TMEM123: variants seen among roughly 807,000 people sequenced by gnomAD.
TMEM123 encodes transmembrane protein 123, also known as porimin.
A neutral mutation model predicts 19.7 loss-of-function variants in TMEM123; 16 were observed. That is an observed-to-expected ratio of 0.81 (90% CI 0.55 to 1.23). TMEM123 has a LOEUF of 1.23. Ranked by LOEUF, TMEM123 falls within the 50% of genes most tolerant of loss-of-function variation. TMEM123 has a pLI of 0.00. For missense variants in TMEM123, 313 were observed against 257.8 expected (o/e 1.21, Z -1.47); for synonymous variants, 118 against 99.4 (o/e 1.19, Z -1.12).
At chr11:102,424,199 G>T (rs1313159452) in intron 2 of TMEM123, among the ~76,000 whole-genome samples, 3 of 152,200 alleles carry the variant, frequency 2.0e-5, no homozygotes, top group Non-Finnish European at 4.4e-5. Context: ...AGCCACTCAA[G>T]TGTAGGAACA....
At chr11:102,417,392 C>T (rs2135850666) in intron 2 of TMEM123, among the ~76,000 whole-genome samples, 1 of 152,220 alleles carries the variant, frequency 6.6e-6, no homozygotes. Flanking sequence ...CAATCCCATT[C>T]ACAGCAGCAC....
rs372060888 is a variant in TMEM123, at chr11:102,403,394, C to T, written c.158-1188G>A. The stretch of plus-strand genomic sequence containing the variant: ...TTTTGCATAAAATATGGCCTATAAC[C>T]AGAAGCAAACCTTTCTGTGTTAATT... On this transcript the variant is annotated intron_variant, in intron 2 of 4. Transcript: ENST00000398136. Among the ~76,000 whole-genome samples the T allele has an allele frequency of 1.5e-4, 23 of 152,206 alleles. 3 individuals carry two copies. The highest frequency in any genetic ancestry group is 1.4e-3 in the Admixed American group (21 of 15,284).
At chr11:102,419,746 A>C (rs1043955086) in intron 2 of TMEM123, among the ~76,000 whole-genome samples, 1 of 152,218 alleles carries the variant, frequency 6.6e-6, no homozygotes, top group African/African-American at 2.4e-5. Flanking sequence ...TTAGGAACAC[A>C]AATTATTAGT....
At chr11:102,434,722 A>G (rs552747481) in intron 2 of TMEM123, among the ~76,000 whole-genome samples, 4 of 151,886 alleles carry the variant, frequency 2.6e-5, no homozygotes, top group Non-Finnish European at 4.4e-5. Context: ...GATTCATGTT[A>G]AATCTTTAAC....
At chr11:102,411,301 G>A (rs913820395) in intron 2 of TMEM123, among the ~76,000 whole-genome samples, 2 of 152,124 alleles carry the variant, frequency 1.3e-5, no homozygotes, top group African/African-American at 4.8e-5. Flanking sequence ...CTGAGACGGC[G>A]GTGTTCCCAG....
chr11:102,426,635 T>G (rs1952128229), intron 2 of TMEM123, among the ~76,000 whole-genome samples: 1 of 152,082 alleles, frequency 6.6e-6, no homozygotes, highest in South Asian at 2.1e-4. Context: ...AGCAATTTCT[T>G]TACAATAATT....
chr11:102,440,532 T>G (rs1857814065), intron 2 of TMEM123, among the ~76,000 whole-genome samples: 1 of 152,240 alleles, frequency 6.6e-6, no homozygotes, highest in South Asian at 2.1e-4. Context: ...GCCTGCCTTA[T>G]AAGAGCTCCT....
At chr11:102,432,424 T>C (rs568043267) in intron 2 of TMEM123, among the ~76,000 whole-genome samples, 1 of 152,310 alleles carries the variant, frequency 6.6e-6, no homozygotes, top group South Asian at 2.1e-4. Flanking sequence ...AGCAAAGAGA[T>C]TGGTGGCATT....
intron 4 of TMEM123, among the ~76,000 whole-genome samples, chr11:102,399,648 AACG>A (rs1369517278): frequency 1.3e-5 from 2 of 152,208 alleles, no homozygotes; most frequent in Admixed American, 6.5e-5. Context: ...AAATATATGC[AACG>A]TAACTTTAAA....
chr11:102,408,896 CTG>C (rs750595981), intron 2 of TMEM123, among the ~76,000 whole-genome samples: 6 of 152,214 alleles, frequency 3.9e-5, no homozygotes, highest in Admixed American at 1.3e-4. Flanking sequence ...GCCAAGGACA[CTG>C]TGAAGCAGTC....
chr11:102,401,758 GCT>G, intron 3 of TMEM123, 66 bp from the exon 4 acceptor site: 4 of 1,506,286 alleles, frequency 2.7e-6, no homozygotes, highest in Non-Finnish European at 2.7e-6. Context: ...TGTAATTAAA[GCT>G]CTCTGATTTT....
At chr11:102,403,277 TG>T (rs1242052419) in intron 2 of TMEM123, among the ~76,000 whole-genome samples, 1 of 152,260 alleles carries the variant, frequency 6.6e-6, no homozygotes, top group Non-Finnish European at 1.5e-5. Flanking sequence ...CCCCAAGTGC[TG>T]GGATCACAGG....
At chr11:102,420,519 C>T (rs1462937799) in intron 2 of TMEM123, among the ~76,000 whole-genome samples, 1 of 152,228 alleles carries the variant, frequency 6.6e-6, no homozygotes, top group Non-Finnish European at 1.5e-5. Context: ...ATGTTATTGT[C>T]ATCCCCATTT....
At chr11:102,448,253 G>A (rs1359393106) in intron 2 of TMEM123, 1 of 456,186 alleles carries the variant, frequency 2.2e-6, no homozygotes, top group Admixed American at 2.3e-5. Flanking sequence ...ATTTACTACT[G>A]ATATTGATGA....
At chr11:102,447,956 T>TA (rs561068327) in intron 2 of TMEM123, among the ~76,000 whole-genome samples, 14 of 152,240 alleles carry the variant, frequency 9.2e-5, no homozygotes, top group Admixed American at 2.6e-4. Flanking sequence ...CTTTACACTT[T>TA]AAAAAAATGG....
chr11:102,421,761 G>A (rs1952088916), intron 2 of TMEM123, among the ~76,000 whole-genome samples: 1 of 152,138 alleles, frequency 6.6e-6, no homozygotes, highest in Non-Finnish European at 1.5e-5. Context: ...CAGTAATCTG[G>A]GGAAGGAGGA....
At chr11:102,444,299 A>T (rs1372036048) in intron 2 of TMEM123, among the ~76,000 whole-genome samples, 1 of 152,232 alleles carries the variant, frequency 6.6e-6, no homozygotes, top group Non-Finnish European at 1.5e-5. Context: ...AAGCAACCCA[A>T]ATGTCCATCA....
intron 2 of TMEM123, among the ~76,000 whole-genome samples, chr11:102,405,778 G>C (rs1339346936): frequency 1.3e-5 from 2 of 152,292 alleles, no homozygotes; most frequent in East Asian, 3.9e-4. Flanking sequence ...TAATAGGTTA[G>C]TTCTCCGCTA....
intron 2 of TMEM123, among the ~76,000 whole-genome samples, chr11:102,428,479 T>C (rs185794139): frequency 6.6e-6 from 1 of 150,946 alleles, no homozygotes; most frequent in Non-Finnish European, 1.5e-5. Context: ...TTTTTTTTTT[T>C]ATTTTTTAGT....
Sources: gnomAD v4.1 joint callset for allele counts (sites outside exome capture counted in the v4.1 genomes callset) on GRCh38, gnomAD v4.1.1 for gene constraint, MANE v1.5 for transcripts, NCBI Gene and HGNC (gene_info 2026-07-23, HGNC 2026-07-21) for gene names.